The following CHODL variants were observed in gnomAD, a reference collection of about 807,000 sequenced individuals.
CHODL encodes chondrolectin.
CHODL carries 29 observed loss-of-function variants against 34.5 expected under a neutral mutation model. The ratio of observed to expected loss-of-function variants is 0.84; its 90% CI spans 0.63 to 1.15. The LOEUF is 1.15. Ranked by LOEUF, CHODL falls within the 50% of genes most tolerant of loss-of-function variation. The pLI is 0.00. For synonymous variants in CHODL, 125 were observed against 116.1 expected (o/e 1.08, Z -0.49); for missense variants, 332 against 332.5 (o/e 1.00, Z 0.01).
intron 2 of CHODL, among the ~76,000 whole-genome samples, chr21:18,119,285 A>G (rs1287446845): frequency 6.6e-6 from 1 of 151,788 alleles, no homozygotes; most frequent in Non-Finnish European, 1.5e-5. Context: ...TCCAGATCCC[A>G]AAGTCAGGCT....
intron 2 of CHODL, among the ~76,000 whole-genome samples, chr21:18,136,105 C>CAAAAAAAAAAAAAA (rs67552520): frequency 2.2e-5 from 2 of 89,462 alleles, no homozygotes; most frequent in Non-Finnish European, 2.1e-5. Flanking sequence ...GATTATGTCT[C>CAAAAAAAAAAAAAA]AAAAAAAAAA....
At chr21:18,245,932 C>T (rs1405661841) in intron 1 of CHODL, 2 of 1,535,572 alleles carry the variant, frequency 1.3e-6, no homozygotes, top group Non-Finnish European at 8.7e-7. Flanking sequence ...GGAGTTGGGC[C>T]GAGGTATACT....
rs562026264 is a variant in CHODL, at chr21:17,966,978, G to A, written c.-145+49578G>A. On this transcript the variant is annotated intron_variant, in intron 1 of 6. Coordinates refer to the CHODL transcript ENST00000400127. ...TTGGCTCCCTGCAACCTCCGCATCC[G>A]GGTTCAAGTGATTCTTCTGCCTCAG... Among the ~76,000 whole-genome samples, 113 of 151,266 alleles carry A rather than the reference G, an allele frequency of 7.5e-4. 1 individual carries two copies. Among genetic ancestry groups the A allele is most frequent in the African/African-American group, 2.6e-3 (108 of 41,256 alleles).
chr21:18,083,339 A>T (rs1286467267), intron 2 of CHODL, among the ~76,000 whole-genome samples: 1 of 152,244 alleles, frequency 6.6e-6, no homozygotes, highest in Non-Finnish European at 1.5e-5. Flanking sequence ...AGTCTACTGC[A>T]GGGGTAGAAC....
chr21:18,194,983 T>C (rs2146698569), intron 2 of CHODL, among the ~76,000 whole-genome samples: 1 of 151,952 alleles, frequency 6.6e-6, no homozygotes, highest in Middle Eastern at 3.4e-3. Context: ...AATCTACTCA[T>C]TTTGCAATTT....
chr21:18,143,500 T>C (rs190792494), intron 2 of CHODL, among the ~76,000 whole-genome samples: 45 of 152,058 alleles, frequency 3.0e-4, no homozygotes, highest in Non-Finnish European at 4.4e-5. Flanking sequence ...AAAGTTTTTG[T>C]ATGATTATAG....
At chr21:18,042,894 T>C (rs2146456290) in intron 2 of CHODL, among the ~76,000 whole-genome samples, 1 of 152,076 alleles carries the variant, frequency 6.6e-6, no homozygotes, top group Middle Eastern at 3.4e-3. Context: ...TATTTAAGAA[T>C]GGTCATGTTC....
intron 2 of CHODL, among the ~76,000 whole-genome samples, chr21:18,039,251 G>A (rs2064346992): frequency 6.6e-6 from 1 of 151,718 alleles, no homozygotes; most frequent in South Asian, 2.1e-4. Flanking sequence ...TATTCATTAA[G>A]TTTGCTATTC....
intron 1 of CHODL, among the ~76,000 whole-genome samples, chr21:17,938,774 G>A (rs1288264715): frequency 2.6e-5 from 4 of 151,982 alleles, no homozygotes; most frequent in East Asian, 1.9e-4. Flanking sequence ...CACGGCGCCC[G>A]GCCGAAACCC....
intron 1 of CHODL, among the ~76,000 whole-genome samples, chr21:17,965,440 C>T (rs1287680827): frequency 4.6e-5 from 7 of 152,046 alleles, no homozygotes; most frequent in Non-Finnish European, 1.0e-4. Context: ...TCATTCCTTC[C>T]ATCCTCCTCC....
chr21:18,020,166 G>A (rs549988462), intron 1 of CHODL, among the ~76,000 whole-genome samples: 26 of 152,176 alleles, frequency 1.7e-4, no homozygotes, highest in Admixed American at 5.2e-4. Flanking sequence ...TATTTTCCCC[G>A]AAGAACCAGT....
chr21:18,189,747 G>T (rs2146689382), intron 2 of CHODL, among the ~76,000 whole-genome samples: 2 of 149,440 alleles, frequency 1.3e-5, no homozygotes, highest in Admixed American at 1.4e-4. Context: ...CGATTCTCCT[G>T]TCTCAGCCTC....
intron 2 of CHODL, among the ~76,000 whole-genome samples, chr21:18,156,648 A>C (rs956405537): frequency 2.0e-5 from 3 of 152,194 alleles, no homozygotes; most frequent in Admixed American, 6.5e-5. Context: ...TAATATGAAC[A>C]TCAAATTAAA....
chr21:18,106,124 C>T (rs889797303), intron 2 of CHODL, among the ~76,000 whole-genome samples: 4 of 152,156 alleles, frequency 2.6e-5, no homozygotes, highest in Non-Finnish European at 2.9e-5. Flanking sequence ...GTTGGTAGGA[C>T]TAAAATGGAT....
chr21:18,107,411 G>C (rs865995453), intron 2 of CHODL, among the ~76,000 whole-genome samples: 1 of 152,180 alleles, frequency 6.6e-6, no homozygotes, highest in South Asian at 2.1e-4. Context: ...CACAGCAGGG[G>C]GGAAAGGCAA....
chr21:18,266,138 G>T lies in CHODL; in HGVS notation c.*100G>T. On this transcript the variant is annotated 3_prime_UTR_variant, in exon 6 of 6. Transcript: ENST00000299295. ...AATGGCTTGAAATCACAAAGGATCT[G>T]CAAGATGAACTGTAAGCTCCCCCTT... is the stretch of plus-strand genomic sequence containing the variant. 6.2e-7 allele frequency: 1 copy of T among 1,602,078 alleles called. No individual in the cohort carries two copies. The highest frequency in any genetic ancestry group is 8.5e-7 in the Non-Finnish European group (1 of 1,172,784).
chr21:18,262,452 A>C (rs1246493647), intron 4 of CHODL, among the ~76,000 whole-genome samples: 1 of 152,138 alleles, frequency 6.6e-6, no homozygotes, highest in Non-Finnish European at 1.5e-5. Context: ...GCTGTAGACA[A>C]CTGTAACATA....
chr21:18,064,764 C>T lies in CHODL; in HGVS notation c.-45+36793C>T, dbSNP rs560590049. ...CTCTCTCTCTCCGCACACACACATG[C>T]GCGCACACACACGTATGTAAATATA... On this transcript the variant is annotated intron_variant, in intron 2 of 6. Transcript: ENST00000400127. Among the ~76,000 whole-genome samples, 17 of 152,114 alleles carry T rather than the reference C, an allele frequency of 1.1e-4. No homozygotes were observed. The South Asian group carries it at 1.7e-3, about 15-fold the overall frequency.
chr21:18,145,693 G>T (rs887290537), intron 2 of CHODL, among the ~76,000 whole-genome samples: 1 of 152,136 alleles, frequency 6.6e-6, no homozygotes, highest in Non-Finnish European at 1.5e-5. Context: ...ACTTCATAAA[G>T]AATCTCAGAA....
Sources: gnomAD v4.1 joint callset for allele counts (sites outside exome capture counted in the v4.1 genomes callset) on GRCh38, gnomAD v4.1.1 for gene constraint, MANE v1.5 for transcripts, NCBI Gene and HGNC (gene_info 2026-07-23, HGNC 2026-07-21) for gene names.